Variants in CIT observed in about 807,000 individuals in gnomAD.
CIT encodes citron Rho-interacting kinase.
CIT carries 79 observed loss-of-function variants against 272.7 expected under a neutral mutation model. The ratio of observed to expected loss-of-function variants is 0.29; its 90% CI spans 0.24 to 0.35. The LOEUF (loss-of-function observed/expected upper bound fraction) is 0.35. Among genes scored for constraint, CIT ranks in the 10% least tolerant of loss-of-function variants. The pLI is 1.00. For missense variants in CIT, 1,909 were observed against 2,618.3 expected (o/e 0.73, Z 5.91); for synonymous variants, 948 against 995.6 (o/e 0.95, Z 0.90).
At chr12:119,801,090 G>A (rs775823831) in intron 10 of CIT, among the ~76,000 whole-genome samples, 12 of 152,176 alleles carry the variant, frequency 7.9e-5, no homozygotes, top group African/African-American at 1.4e-4. Context: ...TGATGCCATC[G>A]TCCAAATAAG....
At chr12:119,733,023 A>G (rs1474323850) in intron 26 of CIT, among the ~76,000 whole-genome samples, 1 of 152,230 alleles carries the variant, frequency 6.6e-6, no homozygotes, top group Non-Finnish European at 1.5e-5. Flanking sequence ...CTTTTCTGCC[A>G]TGAGCTGTGT....
intron 10 of CIT, among the ~76,000 whole-genome samples, chr12:119,790,925 C>T (rs2137771990): frequency 6.6e-6 from 1 of 152,312 alleles, no homozygotes; most frequent in Non-Finnish European, 1.5e-5. Flanking sequence ...AATGCCACGA[C>T]CTTTGTCATC....
Position 119,784,465 on chromosome 12 carries a change from C to T in CIT, c.1402-414G>A, listed in dbSNP as rs963567437. On this transcript the variant is annotated intron_variant, in intron 11 of 47. Transcript: ENST00000392521. This position sits in a 1 kb window ranked among gnomAD's most constrained non-coding sequence, Gnocchi z 4.7. ...AGGACAGGGCAAGGAGATATTTATTCGTCTGCACTCTTAGGAGTCCCAGGC... is the reference window on the plus strand; with the variant it reads ...AGGACAGGGCAAGGAGATATTTATTTGTCTGCACTCTTAGGAGTCCCAGGC... 5 of 1,198,308 alleles carry T rather than the reference C, an allele frequency of 4.2e-6. No individual in the cohort carries two copies. Among genetic ancestry groups the T allele is most frequent in the South Asian group, 1.6e-5 (1 of 63,226 alleles). The allele number at this position is 1,198,308 out of a possible 1,614,324, so 74.2% of individuals were successfully genotyped here. A position where few individuals can be genotyped will look rare whatever the true frequency, so the allele number is the denominator to read the frequency against.
chr12:119,875,400 A>G (rs1950812593), intron 2 of CIT, among the ~76,000 whole-genome samples: 1 of 152,200 alleles, frequency 6.6e-6, no homozygotes, highest in African/African-American at 2.4e-5. Context: ...AAGTTCAGCT[A>G]TCTACTTCTG....
intron 9 of CIT, among the ~76,000 whole-genome samples, chr12:119,805,945 G>A (rs1408290922): frequency 6.6e-6 from 1 of 152,040 alleles, no homozygotes; most frequent in Admixed American, 6.6e-5. Context: ...GGCCAGCCTG[G>A]CCAACATGGT....
chr12:119,698,293 C>T lies in CIT; in HGVS notation c.5624-239G>A, dbSNP rs1956344140. The T allele has an allele frequency of 2.5e-5, 13 of 520,602 alleles. No individual in the cohort carries two copies. In the South Asian group the frequency reaches 3.1e-4, roughly 12 times the overall value. The allele number at this position is 520,602 out of a possible 1,614,324, so 32.2% of individuals were successfully genotyped here. ...GTACAGTGTAGGGATTGGCTAAATA[C>T]ATTATAATACATCTGGCTGGGCGTG... is the stretch of plus-strand genomic sequence containing the variant. On this transcript the variant is annotated intron_variant, in intron 44 of 47. Transcript: ENST00000392521.
chr12:119,773,579 A>G (rs1303272684), intron 16 of CIT, among the ~76,000 whole-genome samples: 2 of 152,066 alleles, frequency 1.3e-5, no homozygotes, highest in Admixed American at 1.3e-4. Flanking sequence ...GATTACAGGC[A>G]TGCGCCACCA....
intron 46 of CIT, among the ~76,000 whole-genome samples, chr12:119,692,575 T>C (rs1032087039): frequency 6.6e-6 from 1 of 152,226 alleles, no homozygotes; most frequent in African/African-American, 2.4e-5. Context: ...AATGAAGCCA[T>C]GCCCATCTGG....
rs187284199 is a variant in CIT, at chr12:119,799,116, A to C, written c.1295+4090T>G. The stretch of plus-strand genomic sequence containing the variant: ...AGAACCGTGAAGTGTCTCTAGCAGA[A>C]AAGTCCCAGGGCCTGGGAAGCTTGG... On this transcript the variant is annotated intron_variant, in intron 10 of 47. Coordinates refer to ENST00000392521, the MANE Select transcript of CIT (RefSeq NM_001206999.2). 1.0e-3 allele frequency among the ~76,000 whole-genome samples: 156 copies of C among 152,266 alleles called. 2 individuals are homozygous for C. Among genetic ancestry groups the C allele is most frequent in the Non-Finnish European group, 2.2e-4 (15 of 68,006 alleles).
intron 2 of CIT, 116 bp downstream of exon 2, chr12:119,875,957 C>T (rs1594030315): frequency 3.0e-6 from 2 of 661,374 alleles, no homozygotes; most frequent in East Asian, 2.9e-5. Flanking sequence ...CACTGTACTC[C>T]AGCCTGAGAG....
intron 30 of CIT, 69 bp downstream of exon 30, chr12:119,720,409 G>C: frequency 1.0e-6 from 1 of 998,596 alleles, no homozygotes; most frequent in Admixed American, 2.2e-5. Flanking sequence ...ATATATCACA[G>C]TGGTGTCCAC....
At chr12:119,689,861 C>G (rs889094028) in intron 47 of CIT, among the ~76,000 whole-genome samples, 10 of 151,214 alleles carry the variant, frequency 6.6e-5, no homozygotes, top group Non-Finnish European at 1.3e-4. Context: ...GTATTTTTTT[C>G]GTAGAGACGG....
At chr12:119,742,227 G>A (rs572175398) in intron 24 of CIT, among the ~76,000 whole-genome samples, 184 bp downstream of exon 24, 9 of 152,218 alleles carry the variant, frequency 5.9e-5, no homozygotes, top group African/African-American at 2.2e-4. Context: ...TTGAAAACTG[G>A]AAGAACCCCC....
At chr12:119,746,270 A>T (rs2137360685) in intron 23 of CIT, among the ~76,000 whole-genome samples, 1 of 152,364 alleles carries the variant, frequency 6.6e-6, no homozygotes, top group East Asian at 1.9e-4. Context: ...CAGAGTATCC[A>T]GTCTTGGTTA....
intron 2 of CIT, among the ~76,000 whole-genome samples, chr12:119,874,141 C>T (rs755506959): frequency 2.0e-5 from 3 of 152,116 alleles, no homozygotes; most frequent in Non-Finnish European, 4.4e-5. Flanking sequence ...CATCTCGGCT[C>T]ACGACAACCT....
chr12:119,780,385 A>C (rs1289001909), intron 13 of CIT, among the ~76,000 whole-genome samples: 2 of 152,140 alleles, frequency 1.3e-5, no homozygotes, highest in Non-Finnish European at 2.9e-5. Context: ...TTGGGAGGCC[A>C]AGGCGGGCAG....
In CIT at chr12:119,770,903, C is replaced by T. The variant is rs1394699341; in HGVS notation, c.2090G>A (p.Arg697His). The change falls in exon 18 of 48, where the codon CGC becomes CAC. Residue 697 changes from arginine (R) to histidine (H), a missense_variant. By Grantham distance (29) the Arg-to-His change is conservative. Coordinates refer to ENST00000392521, the MANE Select transcript of CIT (RefSeq NM_001206999.2). This position sits in a 1 kb window ranked among gnomAD's most constrained non-coding sequence, Gnocchi z 4.4. ...RKKLVEAEER[R>H]HSLENKVKRL... ...CTTTACCTTGTTCTCCAGAGAATGG[C>T]GGCGTTCCTGTAGATCATGAATCAA... is the stretch of plus-strand genomic sequence containing the variant. 6.2e-6 allele frequency: 10 copies of T among 1,612,526 alleles called. No homozygotes were observed. The highest frequency in any genetic ancestry group is 2.2e-5 in the East Asian group (1 of 44,884).
chr12:119,823,983 G>T (rs561367819), intron 8 of CIT, among the ~76,000 whole-genome samples: 1 of 140,668 alleles, frequency 7.1e-6, no homozygotes, highest in Non-Finnish European at 1.5e-5. Flanking sequence ...GGGTTGCAGT[G>T]AGCCGATATT....
chr12:119,810,064 T>C (rs1239520639), intron 9 of CIT, among the ~76,000 whole-genome samples: 1 of 152,208 alleles, frequency 6.6e-6, no homozygotes. Flanking sequence ...CCAAGTTCTG[T>C]GAGCAGCTCT....
Sources: gnomAD v4.1 joint callset for allele counts (sites outside exome capture counted in the v4.1 genomes callset) on GRCh38, gnomAD v4.1.1 for gene constraint, Gnocchi (gnomAD v3.1) non-coding constraint, MANE v1.5 for transcripts, NCBI Gene and HGNC (gene_info 2026-07-23, HGNC 2026-07-21) for gene names.